The following EPCAM variants were observed in gnomAD, a reference collection of about 807,000 sequenced individuals.
The protein encoded by EPCAM is epithelial cell adhesion molecule.
A neutral mutation model predicts 40.0 loss-of-function variants in EPCAM; 39 were observed. The observed-to-expected ratio is 0.98, with a 90% confidence interval of 0.76 to 1.27. The LOEUF (loss-of-function observed/expected upper bound fraction) is 1.27, where lower values mean the gene tolerates loss of function less well. Among genes scored for constraint, EPCAM ranks in the 50% most tolerant of loss-of-function variants. The pLI is 0.00. For missense variants in EPCAM, 503 were observed against 381.2 expected (o/e 1.32, Z -2.66); for synonymous variants, 168 against 132.3 (o/e 1.27, Z -1.85).
intron 1 of EPCAM, among the ~76,000 whole-genome samples, chr2:47,370,581 A>T (rs1671233856): frequency 7.2e-6 from 1 of 139,690 alleles, no homozygotes; most frequent in South Asian, 2.3e-4. Context: ...GGCCTATTTT[A>T]TTTTTTTATT....
chr2:47,384,503 T>C (rs1254249266), intron 7 of EPCAM, among the ~76,000 whole-genome samples: 1 of 151,370 alleles, frequency 6.6e-6, no homozygotes, highest in East Asian at 1.9e-4. Context: ...AACCTCTGCC[T>C]CTCGGGTTCA....
rs558585747 is a variant in EPCAM at position 47,373,530 on chromosome 2, T to C, written c.144T>C (p.Cys48=). Residue 48 remains cysteine, a synonymous_variant, in exon 2 of 9, where the codon TGT becomes TGC. Coordinates refer to ENST00000263735, the MANE Select transcript of EPCAM (RefSeq NM_002354.3). ...CFVNNNRQCQ[C]TSVGAQNTVI... Reference sequence around the variant, plus strand: ...TGAATAATAATCGTCAATGCCAGTGTACTTCAGTTGGTGCACAAAATACTG... The same window carrying C: ...TGAATAATAATCGTCAATGCCAGTGCACTTCAGTTGGTGCACAAAATACTG... 1 of 1,613,846 alleles carries C rather than the reference T, an allele frequency of 6.2e-7. No individual in the cohort carries two copies. The highest frequency in any genetic ancestry group is 8.5e-7 in the Non-Finnish European group (1 of 1,179,758).
intron 7 of EPCAM, among the ~76,000 whole-genome samples, chr2:47,384,625 C>T (rs1671690165): frequency 6.6e-6 from 1 of 151,898 alleles, no homozygotes; most frequent in Non-Finnish European, 1.5e-5. Flanking sequence ...ATCATGTTGG[C>T]CAGGCTGGTC....
chr2:47,381,801 G>A (rs1275359478), intron 7 of EPCAM, among the ~76,000 whole-genome samples: 2 of 152,154 alleles, frequency 1.3e-5, no homozygotes, highest in South Asian at 2.1e-4. Flanking sequence ...GGGTCTTGCT[G>A]TGTCACCCAG....
chr2:47,377,635 T>C, intron 5 of EPCAM: 1 of 287,458 alleles, frequency 3.5e-6, no homozygotes, highest in South Asian at 3.3e-5. Context: ...CCTAAAACAT[T>C]TGAGTTTTCT....
At chr2:47,369,644 CCCTCGGCCCCCGAA>C in intron 1 of EPCAM, 63 bp downstream of exon 1, 1 of 1,484,306 alleles carries the variant, frequency 6.7e-7, no homozygotes, top group South Asian at 1.2e-5. Context: ...CGGCCCCCGG[CCCTCGGCCCCCGAA>C]ACGGGCATAA....
chr2:47,378,097 G>T (rs531625717), intron 5 of EPCAM, among the ~76,000 whole-genome samples: 1 of 152,052 alleles, frequency 6.6e-6, no homozygotes, highest in African/African-American at 2.4e-5. Context: ...CGAATGTGGT[G>T]GTGGGCACCT....
At position 47,379,753 on chromosome 2, in the gene EPCAM, C is replaced by A. The variant is rs927296654; in HGVS notation, c.658-16C>A. 1 of 1,611,400 alleles carries A rather than the reference C, an allele frequency of 6.2e-7. No homozygotes were observed. Among genetic ancestry groups the A allele is most frequent in the Non-Finnish European group, 8.5e-7 (1 of 1,179,204 alleles). ...TCCTTAAATATTTTTAATTCCTTTT[C>A]TCCTTTTCAATACAGGTTAAAGGTG... On this transcript the variant is annotated splice_polypyrimidine_tract_variant and intron_variant, in intron 6 of 8. Transcript: ENST00000263735.
intron 1 of EPCAM, among the ~76,000 whole-genome samples, chr2:47,370,338 C>T (rs1168433933): frequency 1.3e-5 from 2 of 152,142 alleles, no homozygotes; most frequent in African/African-American, 2.4e-5. Flanking sequence ...ATGGCGCGAT[C>T]TCGGCTCACT....
At chr2:47,377,229 G>C in intron 5 of EPCAM, 152 bp downstream of exon 5, 1 of 662,110 alleles carries the variant, frequency 1.5e-6, no homozygotes, top group Non-Finnish European at 2.7e-6. Context: ...TCCTGTTACT[G>C]TTTTTTTTTG....
Position 47,386,949 on chromosome 2 carries a change from CCTTT to C in EPCAM, c.*339_*342del, listed in dbSNP as rs1466881390. On this transcript the variant is annotated 3_prime_UTR_variant, in exon 9 of 9. Coordinates refer to ENST00000263735, the MANE Select transcript of EPCAM (RefSeq NM_002354.3). ...AAAACTGATTTGTGATTGAAAGCTGCCTTTCTATTTACTTGAGTCTTGTACATAC... is the reference window on the plus strand; with the variant it reads ...AAAACTGATTTGTGATTGAAAGCTGCCTATTTACTTGAGTCTTGTACATAC... 8 of 260,154 alleles carry C rather than the reference CCTTT, an allele frequency of 3.1e-5. No individual in the cohort carries two copies. The highest frequency in any genetic ancestry group is 4.4e-5 in the Non-Finnish European group (6 of 136,244). 16.1% of individuals were successfully genotyped at this position (260,154 alleles called of 1,614,324 possible).
intron 2 of EPCAM, 103 bp from the exon 3 acceptor site, chr2:47,373,705 A>C: frequency 6.5e-7 from 1 of 1,538,178 alleles, no homozygotes; most frequent in East Asian, 2.3e-5. Flanking sequence ...GAACACATAA[A>C]TTTCAAATAA....
intron 3 of EPCAM, 46 bp from the exon 4 acceptor site, chr2:47,375,188 G>T: frequency 1.4e-6 from 2 of 1,381,950 alleles, no homozygotes; most frequent in South Asian, 2.3e-5. Context: ...AAAATAGTAT[G>T]GAAGACTGAG....
At chr2:47,386,015 T>C (rs972949922) in intron 8 of EPCAM, among the ~76,000 whole-genome samples, 10 of 152,218 alleles carry the variant, frequency 6.6e-5, no homozygotes, top group African/African-American at 2.4e-4. Flanking sequence ...ATAACTTCTT[T>C]AAGCCTCCAT....
At chr2:47,383,569 C>A (rs12996444) in intron 7 of EPCAM, 1 of 139,224 alleles carries the variant, frequency 7.2e-6, no homozygotes, top group Non-Finnish European at 1.5e-5. Context: ...TCTCAAAGTG[C>A]TAGGATTACA....
chr2:47,384,646 G>A (rs1216980961), intron 7 of EPCAM, among the ~76,000 whole-genome samples: 1 of 151,882 alleles, frequency 6.6e-6, no homozygotes, highest in East Asian at 1.9e-4. Flanking sequence ...TTGACCTCCT[G>A]ACCTCAAGTG....
At position 47,369,342 on chromosome 2, in the gene EPCAM, C is replaced by T. The variant is rs1671150782; in HGVS notation, c.-164C>T. 5.5e-6 allele frequency: 7 copies of T among 1,274,016 alleles called. No individual in the cohort carries two copies. The highest frequency in any genetic ancestry group is 1.6e-5 in the African/African-American group (1 of 63,370). The allele number at this position is 1,274,016 out of a possible 1,614,324, so 78.9% of individuals were successfully genotyped here. ...CGCTAGTCCTTCGGCGAGCGAGCAC[C>T]TTCGACGCGGTCCGGGGACCCCCTC... is the stretch of plus-strand genomic sequence containing the variant. On this transcript the variant is annotated 5_prime_UTR_variant, in exon 1 of 9. Transcript: ENST00000263735.
At chr2:47,369,836 G>T (rs1252584623) in intron 1 of EPCAM, 1 of 626,984 alleles carries the variant, frequency 1.6e-6, no homozygotes, top group Non-Finnish European at 3.1e-6. Context: ...GGGCGGAGGC[G>T]GGGGACAGGC....
chr2:47,386,422 TTTTC>T, intron 8 of EPCAM, 146 bp from the exon 9 acceptor site: 2 of 609,886 alleles, frequency 3.3e-6, no homozygotes, highest in Non-Finnish European at 5.6e-6. Flanking sequence ...CAATATAACT[TTTTC>T]TTTTTTTATT....
Sources: gnomAD v4.1 joint callset for allele counts (sites outside exome capture counted in the v4.1 genomes callset) on GRCh38, gnomAD v4.1.1 for gene constraint, MANE v1.5 for transcripts, NCBI Gene and HGNC (gene_info 2026-07-23, HGNC 2026-07-21) for gene names.